CCL24: variants seen among roughly 807,000 people sequenced by gnomAD.
CCL24 encodes the protein C-C motif chemokine 24.
A neutral mutation model predicts 8.6 loss-of-function variants in CCL24; 6 were observed. That is an observed-to-expected ratio of 0.70 (90% confidence interval 0.38 to 1.38). The LOEUF (loss-of-function observed/expected upper bound fraction) is 1.38. Ranked by LOEUF, CCL24 falls within the 40% of genes most tolerant of loss-of-function variation. The pLI is 0.02. For missense variants in CCL24, 126 were observed against 147.1 expected (o/e 0.86, Z 0.74); for synonymous variants, 59 against 52.7 (o/e 1.12, Z -0.52).
At chr7:75,817,131 G>A (rs1469329302), upstream of CCL24, among the ~76,000 whole-genome samples, 3 of 152,062 alleles carry the variant, frequency 2.0e-5, no homozygotes, top group African/African-American at 7.2e-5. Flanking sequence ...CTCCCAAAGC[G>A]CTGGGATTAC....
rs1178846426 is a variant in CCL24 at position 75,811,427 on chromosome 7, C to T, written c.*369G>A. 4.0e-5 allele frequency among the ~76,000 whole-genome samples: 6 copies of T among 151,356 alleles called. No homozygotes were observed. The highest frequency in any genetic ancestry group is 1.9e-4 in the East Asian group (1 of 5,138). On this transcript the variant is annotated 3_prime_UTR_variant, in exon 3 of 3. Coordinates refer to ENST00000222902, the MANE Select transcript of CCL24 (RefSeq NM_002991.3). ...CCAGGAGGCGGAGGTTGCAGTGAACCGAGATTGTGCCACTGCACTCCAGCC... is the reference window on the plus strand; with the variant it reads ...CCAGGAGGCGGAGGTTGCAGTGAACTGAGATTGTGCCACTGCACTCCAGCC...
chr7:75,818,629 T>A (rs1226280365), upstream of CCL24, among the ~76,000 whole-genome samples: 4 of 133,132 alleles, frequency 3.0e-5, no homozygotes, highest in Non-Finnish European at 4.9e-5. Flanking sequence ...AAAAAAAAAA[T>A]TAGAAAGAGG....
At chr7:75,820,403 A>G (rs1804021537) in intron 1 of CCL24, among the ~76,000 whole-genome samples, 1 of 151,888 alleles carries the variant, frequency 6.6e-6, no homozygotes, top group African/African-American at 2.4e-5. Flanking sequence ...CTGGTCTCGA[A>G]CTCCTGGCCT....
chr7:75,818,188 C>A (rs782473155), upstream of CCL24, among the ~76,000 whole-genome samples: 20 of 152,018 alleles, frequency 1.3e-4, no homozygotes, highest in Non-Finnish European at 2.4e-4. Context: ...GATTACCAAC[C>A]CTGTTTTACG....
At chr7:75,820,816 AATCCATCCATCCATCC>A (rs78975822) in intron 1 of CCL24, among the ~76,000 whole-genome samples, 3 of 139,126 alleles carry the variant, frequency 2.2e-5, no homozygotes, top group Non-Finnish European at 4.7e-5. Context: ...TCCATTCACT[AATCCATCCATCCATCC>A]ATCCATCCAT....
chr7:75,816,585 G>A (rs1005934015), upstream of CCL24, among the ~76,000 whole-genome samples: 6 of 149,488 alleles, frequency 4.0e-5, no homozygotes, highest in Admixed American at 1.3e-4. Context: ...TTTTTGATAC[G>A]GAGTCTCTCT....
At chr7:75,823,056 C>A (rs1804081775) in intron 1 of CCL24, among the ~76,000 whole-genome samples, 1 of 152,124 alleles carries the variant, frequency 6.6e-6, no homozygotes, top group South Asian at 2.1e-4. Flanking sequence ...ACTCTCACGG[C>A]CACCAGCTTT....
chr7:75,822,406 T>G (rs1420399941), intron 1 of CCL24, among the ~76,000 whole-genome samples: 1 of 151,694 alleles, frequency 6.6e-6, no homozygotes, highest in Non-Finnish European at 1.5e-5. Context: ...GTGGAGGGAG[T>G]AGGCCTCAAG....
intron 1 of CCL24, among the ~76,000 whole-genome samples, chr7:75,821,681 C>A (rs1804051012): frequency 6.6e-6 from 1 of 152,086 alleles, no homozygotes; most frequent in African/African-American, 2.4e-5. Flanking sequence ...AATCCCAACA[C>A]TTTGGGAGGC....
rs1358556248 is a variant in CCL24, at chr7:75,811,841, G to A, written c.315C>T (p.Val105=). ...KASPRARAVA[V]KGPVQRYPGN... ...CAGGATATCTCTGGACAGGGCCCTT[G>A]ACAGCCACTGCCCTGGCCCTAGGGG... Residue 105 remains valine, a synonymous_variant, in exon 3 of 3, where the codon GTC becomes GTT. Transcript: ENST00000222902. 6.2e-7 allele frequency: 1 copy of A among 1,613,398 alleles called. No individual in the cohort carries two copies. The highest frequency in any genetic ancestry group is 2.2e-5 in the East Asian group (1 of 44,792).
upstream of CCL24, among the ~76,000 whole-genome samples, chr7:75,816,673 C>T (rs922385893): frequency 2.7e-5 from 4 of 147,072 alleles, no homozygotes; most frequent in Admixed American, 6.8e-5. Context: ...GCGATTCTCC[C>T]GCCTCAGCCT....
At chr7:75,815,229 C>A (rs532159267), upstream of CCL24, among the ~76,000 whole-genome samples, 1 of 151,578 alleles carries the variant, frequency 6.6e-6, no homozygotes, top group Non-Finnish European at 1.5e-5. Context: ...GTCCTAGCTA[C>A]TTGGGAGGCT....
chr7:75,812,930 GAA>G (rs782147186), intron 2 of CCL24, among the ~76,000 whole-genome samples: 5 of 143,040 alleles, frequency 3.5e-5, no homozygotes, highest in African/African-American at 1.3e-4. Context: ...TGTCTCAGGG[GAA>G]AAAAAAAAAA....
chr7:75,813,996 C>T (rs1283962344), upstream of CCL24, among the ~76,000 whole-genome samples: 1 of 152,138 alleles, frequency 6.6e-6, no homozygotes, highest in African/African-American at 2.4e-5. Context: ...GGGGACATCA[C>T]CCCACCTAGG....
At position 75,811,442 on chromosome 7, in the gene CCL24, G is replaced by A. The variant is rs371352264; in HGVS notation, c.*354C>T. ...TGCAGTGAACCGAGATTGTGCCACT[G>A]CACTCCAGCCTGGGTGACAGAGCGA... On this transcript the variant is annotated 3_prime_UTR_variant, in exon 3 of 3. Coordinates refer to ENST00000222902, the MANE Select transcript of CCL24 (RefSeq NM_002991.3). Among the ~76,000 whole-genome samples, 5 of 151,294 alleles carry A rather than the reference G, an allele frequency of 3.3e-5. No individual in the cohort carries two copies. The highest frequency in any genetic ancestry group is 1.2e-4 in the African/African-American group (5 of 41,266).
chr7:75,816,300 G>A (rs1162473911), upstream of CCL24, among the ~76,000 whole-genome samples: 3 of 151,740 alleles, frequency 2.0e-5, no homozygotes, highest in African/African-American at 7.2e-5. Context: ...TCAGCAAGGC[G>A]GGTCCCCTGA....
At position 75,811,235 on chromosome 7, in the gene CCL24, T is replaced by C. The variant is rs773446648; in HGVS notation, c.*561A>G. 6.6e-6 allele frequency among the ~76,000 whole-genome samples: 1 copy of C among 151,770 alleles called. No individual in the cohort carries two copies. The highest frequency in any genetic ancestry group is 1.5e-5 in the Non-Finnish European group (1 of 67,898). ...GGCTCATGCCTGTAATCCCAGCACT[T>C]TGGGAGGCCGAGGCAGGTAGATCAC... On this transcript the variant is annotated 3_prime_UTR_variant, in exon 3 of 3. Transcript: ENST00000222902.
chr7:75,821,752 C>A (rs1436638059), intron 1 of CCL24, among the ~76,000 whole-genome samples: 1 of 151,986 alleles, frequency 6.6e-6, no homozygotes, highest in African/African-American at 2.4e-5. Flanking sequence ...CATGGAGAAA[C>A]CCCGTCTCTA....
chr7:75,812,047 G>A (rs1315879768), intron 2 of CCL24, 83 bp from the exon 3 acceptor site: 12 of 1,169,068 alleles, frequency 1.0e-5, no homozygotes, highest in African/African-American at 6.2e-5. Context: ...GGATGTGGAC[G>A]CCCAGAGACA....
Sources: allele counts gnomAD v4.1 joint callset (sites outside exome capture counted in the v4.1 genomes callset), GRCh38; gene constraint gnomAD v4.1.1; transcripts MANE v1.5; gene names NCBI Gene and HGNC (gene_info 2026-07-23, HGNC 2026-07-21).